Variants in ABI3BP observed in about 807,000 individuals in gnomAD.
The protein encoded by ABI3BP is target of Nesh-SH3.
Under a neutral mutation model 268.6 loss-of-function variants are expected in ABI3BP, and 216 were observed. The ratio of observed to expected loss-of-function variants is 0.80; its 90% CI spans 0.72 to 0.90. The LOEUF is 0.90. Ranked by LOEUF, ABI3BP falls within the 40% of genes least tolerant of loss-of-function variation. The probability of loss-of-function intolerance (pLI) is 0.00; values close to 1 mark genes in which losing one functional copy is unlikely to be tolerated. For synonymous variants in ABI3BP, 730 were observed against 730.0 expected (o/e 1.00, Z 0.00); for missense variants, 2,090 against 2,182.4 (o/e 0.96, Z 0.84).
At chr3:100,838,358 T>C in intron 25 of ABI3BP, 44 bp downstream of exon 25, 1 of 1,528,582 alleles carries the variant, frequency 6.5e-7, no homozygotes, top group South Asian at 1.2e-5. Context: ...TACTTACACA[T>C]TGTTTTCCTA....
At chr3:100,800,726 G>A (rs2097510796) in intron 51 of ABI3BP, among the ~76,000 whole-genome samples, 1 of 152,012 alleles carries the variant, frequency 6.6e-6, no homozygotes, top group African/African-American at 2.4e-5. Flanking sequence ...TGATCCTCCC[G>A]CCTCAGCCTC....
At chr3:100,787,948 G>C (rs2097099176) in intron 56 of ABI3BP, 146 bp from the exon 57 acceptor site, 1 of 501,162 alleles carries the variant, frequency 2.0e-6, no homozygotes, top group Non-Finnish European at 3.3e-6. Context: ...AGAAACCACA[G>C]TCTCGTATAA....
chr3:100,825,701 T>C (rs757924458), intron 35 of ABI3BP, 84 bp downstream of exon 35: 21 of 1,037,378 alleles, frequency 2.0e-5, no homozygotes, highest in Non-Finnish European at 2.9e-5. Context: ...AGACATGCCA[T>C]GTTATAGGGA....
intron 57 of ABI3BP, among the ~76,000 whole-genome samples, chr3:100,782,018 C>G (rs2096880738): frequency 1.3e-5 from 2 of 152,230 alleles, no homozygotes; most frequent in Admixed American, 1.3e-4. Context: ...TTACTGTCAT[C>G]TGATCATTTT....
At chr3:100,839,674 G>A in intron 23 of ABI3BP, 58 bp from the exon 24 acceptor site, 3 of 1,489,290 alleles carry the variant, frequency 2.0e-6, no homozygotes, top group South Asian at 1.2e-5. Context: ...CGTGAGGAGG[G>A]AGACATTATG....
intron 63 of ABI3BP, among the ~76,000 whole-genome samples, chr3:100,755,266 G>GT (rs1360317641): frequency 5.9e-5 from 9 of 152,296 alleles, no homozygotes; most frequent in African/African-American, 2.2e-4. Context: ...ACTTCCCTAG[G>GT]TGAGTCATGT....
intron 34 of ABI3BP, among the ~76,000 whole-genome samples, chr3:100,827,967 G>T (rs902377914): frequency 1.3e-5 from 2 of 151,628 alleles, no homozygotes; most frequent in Admixed American, 1.3e-4. Context: ...AAAATAACAG[G>T]CAGATTAAAA....
At position 100,749,562 on chromosome 3, in the gene ABI3BP, A is replaced by ACAGT. The variant is rs1170582306; in HGVS notation, c.*929_*932dup. The ACAGT allele has an allele frequency of 3.5e-6, 1 of 284,404 alleles. No homozygotes were observed. Among genetic ancestry groups the ACAGT allele is most frequent in the Non-Finnish European group, 6.4e-6 (1 of 155,990 alleles). 17.6% of individuals were successfully genotyped at this position (284,404 alleles called of 1,614,324 possible). The stretch of plus-strand genomic sequence containing the variant: ...AGATTTTTATTACAGATTGAATTAA[A>ACAGT]CAGTTACAAAGACATTCTCTGATAC... On this transcript the variant is annotated 3_prime_UTR_variant, in exon 68 of 68. Transcript: ENST00000471714.
chr3:100,992,336 G>A (rs777737004), intron 1 of ABI3BP, among the ~76,000 whole-genome samples: 30 of 152,082 alleles, frequency 2.0e-4, no homozygotes, highest in Admixed American at 9.8e-4. Flanking sequence ...GAGGACCTAG[G>A]GATGATCTTT....
Position 100,862,284 on chromosome 3 carries a change from AT to A in ABI3BP, c.1285+26del, listed in dbSNP as rs112141221. 5.3e-6 allele frequency: 8 copies of A among 1,506,590 alleles called. No homozygotes were observed. In the Admixed American group the frequency reaches 1.0e-4, roughly 19 times the overall value. The allele number at this position is 1,506,590 out of a possible 1,614,324, so 93.3% of individuals were successfully genotyped here. A position where few individuals can be genotyped will look rare whatever the true frequency, so the allele number is the denominator to read the frequency against. On this transcript the variant is annotated intron_variant, in intron 14 of 67. Transcript: ENST00000471714. ...TACTCAATATTCCTTGTTATAATCGATTTTTTTAAGAAAAGGATTTAATTAC... is the reference window on the plus strand; with the variant it reads ...TACTCAATATTCCTTGTTATAATCGATTTTTTAAGAAAAGGATTTAATTAC...
chr3:100,840,127 G>A lies in ABI3BP; in HGVS notation c.1842C>T (p.Arg614=). 7.1e-7 allele frequency: 1 copy of A among 1,404,854 alleles called. No individual in the cohort carries two copies. Among genetic ancestry groups the A allele is most frequent in the African/African-American group, 1.5e-5 (1 of 68,936 alleles). The allele number at this position is 1,404,854 out of a possible 1,614,324, so 87.0% of individuals were successfully genotyped here. The change falls in exon 23 of 68, where the codon CGC becomes CGT. Residue 614 remains arginine, a synonymous_variant. Transcript: ENST00000471714. The part of the protein sequence containing the change: ...RKTKRPGRRP[R]PRPRPKTTPS... ...GTGTGGTTTTAGGGCGGGGACGGGG[G>A]CGGGGGCGACGACCTGGTCTTTTGG...
At chr3:100,772,337 C>T (rs528548414) in intron 61 of ABI3BP, among the ~76,000 whole-genome samples, 51 of 152,274 alleles carry the variant, frequency 3.3e-4, no homozygotes, top group Middle Eastern at 3.4e-3. Context: ...ACATAGGTAA[C>T]ATACACAATG....
chr3:100,868,336 C>T (rs906442570), intron 9 of ABI3BP, among the ~76,000 whole-genome samples: 3 of 152,136 alleles, frequency 2.0e-5, no homozygotes, highest in Non-Finnish European at 4.4e-5. Flanking sequence ...ATATTTTGTG[C>T]TCCACAGATA....
At chr3:100,849,813 T>C (rs2098818126) in intron 17 of ABI3BP, among the ~76,000 whole-genome samples, 1 of 152,138 alleles carries the variant, frequency 6.6e-6, no homozygotes, top group Non-Finnish European at 1.5e-5. Flanking sequence ...GAAAGAAGAG[T>C]TGGAAGGAAA....
At position 100,754,692 on chromosome 3, in the gene ABI3BP, CTG is replaced by C; in HGVS notation, c.4851-3_4851-2del. 2 of 1,577,104 alleles carry C rather than the reference CTG, an allele frequency of 1.3e-6. No individual in the cohort carries two copies. Among genetic ancestry groups the C allele is most frequent in the Non-Finnish European group, 1.7e-6 (2 of 1,159,728 alleles). ...TTTGGGTTTCACCTGGAATTCATAA[CTG>C]TTTAGGGGAAAATAAAAAAATACTT... On this transcript the variant is annotated splice_acceptor_variant and splice_polypyrimidine_tract_variant and intron_variant, in intron 63 of 67. Transcript: ENST00000471714. LOFTEE classifies it high-confidence loss of function.
Position 100,850,643 on chromosome 3 carries a change from T to G in ABI3BP, c.1426+17A>C. 1 of 1,583,876 alleles carries G rather than the reference T, an allele frequency of 6.3e-7. No individual in the cohort carries two copies. Among genetic ancestry groups the G allele is most frequent in the African/African-American group, 1.4e-5 (1 of 73,864 alleles). ...TTGATGGAAAATAAAGTATGATTTT[T>G]CTGTTAAAAACATTACCCAGTGTTG... is the stretch of plus-strand genomic sequence containing the variant. On this transcript the variant is annotated intron_variant, in intron 16 of 67. Transcript: ENST00000471714.
intron 60 of ABI3BP, 61 bp downstream of exon 60, chr3:100,775,146 C>T (rs2096664001): frequency 1.3e-6 from 2 of 1,572,448 alleles, no homozygotes; most frequent in Non-Finnish European, 8.6e-7. Context: ...TCCCCACCAA[C>T]ATTTAAAATC....
chr3:100,955,835 C>G lies in ABI3BP; in HGVS notation c.80-29354G>C, dbSNP rs550241513. Among the ~76,000 whole-genome samples, 8 of 152,180 alleles carry G rather than the reference C, an allele frequency of 5.3e-5. No homozygotes were observed. The East Asian group carries it at 1.5e-3, about 29-fold the overall frequency. ...TGAATAAAACAAACAAAAAGCCATA[C>G]TTTCATTGAGTTTACATTCTAGTGA... is the stretch of plus-strand genomic sequence containing the variant. On this transcript the variant is annotated intron_variant, in intron 1 of 67. Coordinates refer to ENST00000471714, the MANE Select transcript of ABI3BP (RefSeq NM_001375547.2).
intron 57 of ABI3BP, among the ~76,000 whole-genome samples, chr3:100,780,639 C>T (rs1056600874): frequency 6.6e-6 from 1 of 151,936 alleles, no homozygotes; most frequent in Admixed American, 6.6e-5. Context: ...CTTAGAATTC[C>T]AATGTGTTTG....
Sources: allele counts gnomAD v4.1 joint callset (sites outside exome capture counted in the v4.1 genomes callset), GRCh38; gene constraint gnomAD v4.1.1; transcripts MANE v1.5; gene names NCBI Gene and HGNC (gene_info 2026-07-23, HGNC 2026-07-21).